The following UNC13B variants were observed in gnomAD, a reference collection of about 807,000 sequenced individuals.
UNC13B encodes protein unc-13 homolog B.
Under a neutral mutation model 211.0 loss-of-function variants are expected in UNC13B, and 144 were observed. The observed-to-expected ratio is 0.68, with a 90% CI of 0.60 to 0.78. The LOEUF (loss-of-function observed/expected upper bound fraction) is 0.78. UNC13B is among the 30% of genes least tolerant of loss of function. UNC13B has a pLI of 0.00. For missense variants in UNC13B, 1,777 were observed against 2,002.0 expected (o/e 0.89, Z 2.14); for synonymous variants, 709 against 725.8 (o/e 0.98, Z 0.37).
At chr9:35,211,166 A>G (rs1823945834) in intron 1 of UNC13B, among the ~76,000 whole-genome samples, 1 of 152,254 alleles carries the variant, frequency 6.6e-6, no homozygotes, top group African/African-American at 2.4e-5. Flanking sequence ...TTAAGTAAGA[A>G]TAAAGAATAT....
At position 35,390,673 on chromosome 9, in the gene UNC13B, T is replaced by C. The variant is rs1835476067; in HGVS notation, c.11267T>C (p.Met3756Thr). 1.9e-6 allele frequency: 3 copies of C among 1,614,188 alleles called. No individual in the cohort carries two copies. Among genetic ancestry groups the C allele is most frequent in the Non-Finnish European group, 1.7e-6 (2 of 1,180,034 alleles). ...GTGGGAAAAGTCAGCGCAGAAGTGA[T>C]GTGGCATTTGTTTGCCCAAGACATG... ...LNVGKVSAEV[M>T]WHLFAQDMKY... Residue 3756 changes from methionine to threonine, a missense_variant, in exon 26 of 40, where the codon ATG becomes ACG. Met to Thr is a moderately conservative substitution (Grantham distance 81). Transcript: ENST00000635942.
Position 35,306,752 on chromosome 9 carries a change from GCATTAGGCTCTT to G in UNC13B, c.7351_7362del (p.Leu2451_Ser2454del). ...TGCAGATAAAGAGGAAGACAAATTT[GCATTAGGCTCTT>G]CAGTAGACATGCTTTCAGGGTTTGT... On this transcript the variant is annotated inframe_deletion, in exon 9 of 40. Transcript: ENST00000635942. 1 of 398,978 alleles carries G rather than the reference GCATTAGGCTCTT, an allele frequency of 2.5e-6. No individual in the cohort carries two copies. Among genetic ancestry groups the G allele is most frequent in the Non-Finnish European group, 4.4e-6 (1 of 226,048 alleles). The allele number at this position is 398,978 out of a possible 1,614,324, so 24.7% of individuals were successfully genotyped here.
intron 11 of UNC13B, chr9:35,364,582 C>T: frequency 6.5e-7 from 1 of 1,535,758 alleles, no homozygotes; most frequent in Non-Finnish European, 8.7e-7. Flanking sequence ...TGCCTATGAC[C>T]CTTTGGGTCG....
Position 35,384,247 on chromosome 9 carries a change from A to G in UNC13B, c.10808A>G (p.Lys3603Arg). The G allele has an allele frequency of 6.2e-7, 1 of 1,614,018 alleles. No homozygotes were observed. Among genetic ancestry groups the G allele is most frequent in the Non-Finnish European group, 8.5e-7 (1 of 1,179,938 alleles). The change falls in exon 22 of 40, where the codon AAA becomes AGA. Residue 3603 changes from lysine to arginine, a missense_variant and splice_region_variant. Physicochemically the swap from Lys to Arg is conservative, Grantham distance 26. Transcript: ENST00000635942. ...SDRFAASNFG[K>R]ERFVKLLDQL... ...CCTTTATTTGTTTCTCACCCTCAGA[A>G]AGAGAGATTTGTAAAACTGCTGGAC...
chr9:35,295,816 T>G lies in UNC13B; in HGVS notation c.647T>G (p.Phe216Cys). ...CAGCCCAACGCTTCTGTGCACCAGTTCCCTGTGCCGGTGCGATCGCCACAG... is the reference window on the plus strand; with the variant it reads ...CAGCCCAACGCTTCTGTGCACCAGTGCCCTGTGCCGGTGCGATCGCCACAG... Reference protein sequence around the residue: ...ASQPNASVHQFPVPVRSPQQL... With the variant: ...ASQPNASVHQCPVPVRSPQQL... The change falls in exon 8 of 40, where the codon TTC becomes TGC. Residue 216 changes from phenylalanine to cysteine, a missense_variant. Phe to Cys is a radical substitution (Grantham distance 205). Transcript: ENST00000635942. 1 of 1,614,114 alleles carries G rather than the reference T, an allele frequency of 6.2e-7. No homozygotes were observed.
At chr9:35,254,270 A>G (rs1826684195) in intron 6 of UNC13B, among the ~76,000 whole-genome samples, 1 of 152,208 alleles carries the variant, frequency 6.6e-6, no homozygotes, top group Admixed American at 6.5e-5. Flanking sequence ...CTTATAAACA[A>G]CAGAGACTTA....
intron 11 of UNC13B, among the ~76,000 whole-genome samples, chr9:35,324,790 A>C (rs1480247617): frequency 6.6e-6 from 1 of 152,122 alleles, no homozygotes; most frequent in Non-Finnish European, 1.5e-5. Context: ...TGCTCTTTTC[A>C]TATAAATCTA....
At position 35,306,394 on chromosome 9, in the gene UNC13B, CATT is replaced by C. The variant is rs1390381311; in HGVS notation, c.6994_6996del (p.Ile2332del). 2.5e-6 allele frequency: 1 copy of C among 398,854 alleles called. No homozygotes were observed. Among genetic ancestry groups the C allele is most frequent in the Non-Finnish European group, 4.4e-6 (1 of 226,066 alleles). 24.7% of individuals were successfully genotyped at this position (398,854 alleles called of 1,614,324 possible). Reference sequence around the variant, plus strand: ...TCCAGATGAATGAATTGCAAAAAGACATTATTCCTCCTTCACCAGAATTTCAGG... The same window carrying C: ...TCCAGATGAATGAATTGCAAAAAGACATTCCTCCTTCACCAGAATTTCAGG... On this transcript the variant is annotated inframe_deletion, in exon 9 of 40. Transcript: ENST00000635942.
Position 35,305,538 on chromosome 9 carries a change from G to T in UNC13B, c.6134G>T (p.Arg2045Ile). 1 of 399,004 alleles carries T rather than the reference G, an allele frequency of 2.5e-6. No homozygotes were observed. Among genetic ancestry groups the T allele is most frequent in the South Asian group, 1.3e-4 (1 of 7,854 alleles). The allele number at this position is 399,004 out of a possible 1,614,324, so 24.7% of individuals were successfully genotyped here. The change falls in exon 9 of 40, where the codon AGA becomes ATA. Residue 2045 changes from arginine (R) to isoleucine (I), a missense_variant. Physicochemically the swap from Arg to Ile is moderately conservative, Grantham distance 97 (BLOSUM62 -3). Coordinates refer to ENST00000635942, the MANE Select transcript of UNC13B (RefSeq NM_001371189.2). ...TCTAAAGGGAAGGCTAGAGTTAGAA[G>T]ACTGAACAAACAGACTACTATCGAT... ...ISSKGKARVR[R>I]LNKQTTIDDS...
At chr9:35,345,255 A>T (rs1031712027) in intron 11 of UNC13B, among the ~76,000 whole-genome samples, 1 of 152,202 alleles carries the variant, frequency 6.6e-6, no homozygotes, top group Non-Finnish European at 1.5e-5. Context: ...GGGGGACGAC[A>T]ATACTGGGGT....
At chr9:35,246,377 G>T (rs1433094646) in intron 6 of UNC13B, among the ~76,000 whole-genome samples, 1 of 152,092 alleles carries the variant, frequency 6.6e-6, no homozygotes, top group African/African-American at 2.4e-5. Flanking sequence ...TGTCAATTTT[G>T]GCTTTTGTTG....
Position 35,398,549 on chromosome 9 carries a change from T to G in UNC13B, c.11833-5T>G. 6.2e-7 allele frequency: 1 copy of G among 1,613,776 alleles called. No individual in the cohort carries two copies. The highest frequency in any genetic ancestry group is 2.2e-5 in the East Asian group (1 of 44,872). On this transcript the variant is annotated splice_polypyrimidine_tract_variant and splice_region_variant and intron_variant, in intron 31 of 39. Transcript: ENST00000635942. Reference sequence around the variant, plus strand: ...CCTAGCCAGGCTTACCTCCTGTGAATACAGCTGGACCTTGAAGCTGCAGAC... The same window carrying G: ...CCTAGCCAGGCTTACCTCCTGTGAAGACAGCTGGACCTTGAAGCTGCAGAC...
intron 7 of UNC13B, among the ~76,000 whole-genome samples, chr9:35,273,184 T>C (rs1364582463): frequency 6.6e-6 from 1 of 152,224 alleles, no homozygotes; most frequent in Non-Finnish European, 1.5e-5. Flanking sequence ...GTGAGTCATA[T>C]CATGAATAAC....
rs773266625 is a variant in UNC13B, at chr9:35,399,276, G to T, written c.12190G>T (p.Asp4064Tyr). The T allele has an allele frequency of 6.2e-7, 1 of 1,614,102 alleles. No individual in the cohort carries two copies. The highest frequency in any genetic ancestry group is 1.1e-5 in the South Asian group (1 of 91,074). ...GATGATTGTTCTGCCCCCACTCACT[G>T]ACCAGACGGTAAGGACACCTCCTTC... ...ERMIVLPPLTDQTGTQLIFTA... is the reference protein window; with the variant it reads ...ERMIVLPPLTYQTGTQLIFTA... The change falls in exon 34 of 40, where the codon GAC becomes TAC. Residue 4064 changes from aspartate (D) to tyrosine (Y), a missense_variant. Asp to Tyr is a radical substitution (Grantham distance 160, BLOSUM62 -3). Transcript: ENST00000635942.
chr9:35,200,563 T>C (rs1157218411), intron 1 of UNC13B, among the ~76,000 whole-genome samples: 1 of 152,212 alleles, frequency 6.6e-6, no homozygotes, highest in African/African-American at 2.4e-5. Context: ...CCCTTGTAAG[T>C]TGGATTCCTA....
chr9:35,295,693 T>C lies in UNC13B; in HGVS notation c.527-3T>C, dbSNP rs2131799218. On this transcript the variant is annotated splice_polypyrimidine_tract_variant and splice_region_variant and intron_variant, in intron 7 of 39. Transcript: ENST00000635942. The stretch of plus-strand genomic sequence containing the variant: ...GCTTTGATTGAATGTGCTTATTCCA[T>C]AGCTTTTGAAGACCCTGATAGTGCC... 1 of 1,613,974 alleles carries C rather than the reference T, an allele frequency of 6.2e-7. No homozygotes were observed. The highest frequency in any genetic ancestry group is 1.6e-4 in the Middle Eastern group (1 of 6,062).
chr9:35,211,124 T>G (rs1823944122), intron 1 of UNC13B, among the ~76,000 whole-genome samples: 1 of 152,218 alleles, frequency 6.6e-6, no homozygotes, highest in African/African-American at 2.4e-5. Flanking sequence ...CCTATTTATG[T>G]TTTAAACACA....
At chr9:35,284,265 C>CA (rs1196264610) in intron 7 of UNC13B, among the ~76,000 whole-genome samples, 1 of 151,730 alleles carries the variant, frequency 6.6e-6, no homozygotes, top group Non-Finnish European at 1.5e-5. Flanking sequence ...GATTCTGTTT[C>CA]AAAAAAACCA....
Position 35,258,851 on chromosome 9 carries a change from G to A in UNC13B, c.469-142G>A, listed in dbSNP as rs1020473596. 7.0e-6 allele frequency: 5 copies of A among 711,626 alleles called. No homozygotes were observed. The African/African-American group carries it at 9.0e-5, about 13-fold the overall frequency. The allele number at this position is 711,626 out of a possible 1,614,324, so 44.1% of individuals were successfully genotyped here. A position where few individuals can be genotyped will look rare whatever the true frequency, so the allele number is the denominator to read the frequency against. On this transcript the variant is annotated intron_variant, in intron 6 of 39. Transcript: ENST00000635942. The stretch of plus-strand genomic sequence containing the variant: ...TGTCAACATCACACAGAGAAAATAG[G>A]AGCAGGATGTTCTGTTTCTGTTCAA...
Sources: allele counts gnomAD v4.1 joint callset (sites outside exome capture counted in the v4.1 genomes callset), GRCh38; gene constraint gnomAD v4.1.1; transcripts MANE v1.5; gene names NCBI Gene and HGNC (gene_info 2026-07-23, HGNC 2026-07-21).